The following CNTNAP2 variants were observed in gnomAD, a reference collection of about 807,000 sequenced individuals.
CNTNAP2 encodes contactin associated protein 2.
A neutral mutation model predicts 155.2 loss-of-function variants in CNTNAP2; 98 were observed. The observed-to-expected ratio is 0.63, with a 90% confidence interval of 0.54 to 0.75. CNTNAP2 has a LOEUF of 0.75. CNTNAP2 is among the 30% of genes least tolerant of loss of function. CNTNAP2 has a pLI of 0.00. For synonymous variants in CNTNAP2, 651 were observed against 631.2 expected, an observed-to-expected ratio of 1.03 and a Z score of -0.47; for missense variants, 1,727 against 1,688.1, an observed-to-expected ratio of 1.02 and a Z score of -0.40.
At chr7:147,731,541 C>T (rs1401316085) in intron 13 of CNTNAP2, among the ~76,000 whole-genome samples, 1 of 152,044 alleles carries the variant, frequency 6.6e-6, no homozygotes, top group Non-Finnish European at 1.5e-5. Context: ...GACCTTGCAC[C>T]TCATCACCCA....
chr7:148,222,343 T>G (rs562348997), intron 19 of CNTNAP2, among the ~76,000 whole-genome samples: 1 of 152,338 alleles, frequency 6.6e-6, no homozygotes, highest in Admixed American at 6.5e-5. Context: ...GTGAGGGCCT[T>G]ATTACTGGTG....
intron 3 of CNTNAP2, among the ~76,000 whole-genome samples, chr7:146,932,581 G>C (rs1796798783): frequency 6.6e-6 from 1 of 152,000 alleles, no homozygotes; most frequent in African/African-American, 2.4e-5. Context: ...TGGAAGTTCT[G>C]GCCAGGGCAA....
chr7:146,838,266 C>T (rs186327932), intron 2 of CNTNAP2, among the ~76,000 whole-genome samples: 3 of 152,224 alleles, frequency 2.0e-5, no homozygotes, highest in Non-Finnish European at 4.4e-5. Flanking sequence ...TTATGGATCA[C>T]GTACTGCACT....
intron 10 of CNTNAP2, among the ~76,000 whole-genome samples, chr7:147,407,467 CAAAAAAAAAAAAAAAAAAAAAAAA>C (rs768738493): frequency 3.1e-5 from 2 of 64,904 alleles, no homozygotes; most frequent in Non-Finnish European, 5.7e-5. Flanking sequence ...GACTCCCTCT[CAAAAAAAAAAAAAAAAAAAAAAAA>C]AAAAAAAAAA....
At chr7:147,753,980 C>T (rs902678865) in intron 13 of CNTNAP2, among the ~76,000 whole-genome samples, 1 of 152,066 alleles carries the variant, frequency 6.6e-6, no homozygotes, top group African/African-American at 2.4e-5. Context: ...AAGCTGTGTC[C>T]GTTGTCTGAA....
chr7:146,623,564 A>G (rs1228806589), intron 1 of CNTNAP2, among the ~76,000 whole-genome samples: 1 of 152,182 alleles, frequency 6.6e-6, no homozygotes, highest in Non-Finnish European at 1.5e-5. Flanking sequence ...AGTAATATGT[A>G]TTTAACATTC....
At chr7:147,753,447 A>C (rs892019267) in intron 13 of CNTNAP2, among the ~76,000 whole-genome samples, 1 of 152,222 alleles carries the variant, frequency 6.6e-6, no homozygotes, top group Non-Finnish European at 1.5e-5. Flanking sequence ...TGTACTAAAA[A>C]TTATACGCAG....
Position 147,395,637 on chromosome 7 carries a change from T to C in CNTNAP2, c.1527T>C (p.Ser509=). The change falls in exon 10 of 24, where the codon AGT becomes AGC. Residue 509 remains serine, a synonymous_variant. Transcript: ENST00000361727. ...GGFLNQMNNS[S]HSVLQPSFQG... ...TTCTGAACCAGATGAATAACTCAAG[T>C]CACTCTGTCCTTCAGCCTTCATTCC... 6.2e-7 allele frequency: 1 copy of C among 1,612,326 alleles called. No homozygotes were observed. Among genetic ancestry groups the C allele is most frequent in the Non-Finnish European group, 8.5e-7 (1 of 1,178,626 alleles).
chr7:147,108,024 A>T, intron 4 of CNTNAP2, 123 bp from the exon 5 acceptor site: 1 of 827,236 alleles, frequency 1.2e-6, no homozygotes, highest in Non-Finnish European at 1.9e-6. Flanking sequence ...AGAAAAACAG[A>T]GGACTGTCAA....
At chr7:147,416,950 A>T (rs1293464571) in intron 10 of CNTNAP2, among the ~76,000 whole-genome samples, 1 of 152,028 alleles carries the variant, frequency 6.6e-6, no homozygotes, top group East Asian at 1.9e-4. Context: ...TTAGCCTGGC[A>T]TAGTGGTGTG....
chr7:147,730,250 C>T (rs1796715484), intron 13 of CNTNAP2, among the ~76,000 whole-genome samples: 1 of 152,028 alleles, frequency 6.6e-6, no homozygotes, highest in Non-Finnish European at 1.5e-5. Context: ...CAATCACAGG[C>T]ATAATTGTTT....
At chr7:146,847,266 C>G (rs1046015103) in intron 3 of CNTNAP2, among the ~76,000 whole-genome samples, 8 of 152,074 alleles carry the variant, frequency 5.3e-5, no homozygotes, top group African/African-American at 1.4e-4. Context: ...AAATTTAGGG[C>G]ACAGTAAATC....
intron 23 of CNTNAP2, among the ~76,000 whole-genome samples, chr7:148,410,859 C>T (rs905530954): frequency 1.3e-5 from 2 of 152,020 alleles, no homozygotes; most frequent in South Asian, 2.1e-4. Context: ...ATAAAAGGAA[C>T]AAGTTCCGGG....
At chr7:146,894,759 A>G (rs909045932) in intron 3 of CNTNAP2, among the ~76,000 whole-genome samples, 1 of 152,090 alleles carries the variant, frequency 6.6e-6, no homozygotes, top group Non-Finnish European at 1.5e-5. Context: ...CTGGTGTTTC[A>G]TGTAGGTTAA....
At chr7:146,553,628 C>A (rs1023747044) in intron 1 of CNTNAP2, among the ~76,000 whole-genome samples, 2 of 151,948 alleles carry the variant, frequency 1.3e-5, no homozygotes, top group Non-Finnish European at 2.9e-5. Flanking sequence ...GTTGGACTAA[C>A]AATTTCATTT....
intron 18 of CNTNAP2, among the ~76,000 whole-genome samples, chr7:148,210,672 T>A (rs949661974): frequency 1.3e-5 from 2 of 152,228 alleles, no homozygotes; most frequent in Admixed American, 1.3e-4. Flanking sequence ...ACATAGAAAC[T>A]GACCTAGAAG....
chr7:146,551,876 G>A (rs1401882383), intron 1 of CNTNAP2, among the ~76,000 whole-genome samples: 5 of 151,850 alleles, frequency 3.3e-5, no homozygotes, highest in South Asian at 4.2e-4. Context: ...TTCAGAGAAC[G>A]AGACTGCATT....
intron 11 of CNTNAP2, among the ~76,000 whole-genome samples, chr7:147,547,703 G>A (rs1487839091): frequency 2.0e-5 from 3 of 151,896 alleles, no homozygotes; most frequent in South Asian, 2.1e-4. Flanking sequence ...ATAGGTCTAC[G>A]TGTGCCATGG....
At chr7:146,509,444 C>T (rs891004366) in intron 1 of CNTNAP2, among the ~76,000 whole-genome samples, 11 of 152,178 alleles carry the variant, frequency 7.2e-5, no homozygotes, top group African/African-American at 1.7e-4. Flanking sequence ...TTCCCCCAAG[C>T]GCTGCCAGCA....
Sources: gnomAD v4.1 joint callset for allele counts (sites outside exome capture counted in the v4.1 genomes callset) on GRCh38, gnomAD v4.1.1 for gene constraint, MANE v1.5 for transcripts, NCBI Gene and HGNC (gene_info 2026-07-23, HGNC 2026-07-21) for gene names.